The following HYDIN variants were observed in gnomAD, a reference collection of about 807,000 sequenced individuals.
The protein encoded by HYDIN is axonemal central pair apparatus protein HYDIN.
HYDIN carries 132 observed loss-of-function variants against 403.9 expected under a neutral mutation model. The observed-to-expected ratio is 0.33, with a 90% confidence interval of 0.28 to 0.38. The LOEUF (loss-of-function observed/expected upper bound fraction) is 0.38, where lower values mean the gene tolerates loss of function less well. Among genes scored for constraint, HYDIN ranks in the 10% least tolerant of loss-of-function variants. HYDIN has a pLI of 1.00. For missense variants in HYDIN, 2,827 were observed against 5,009.5 expected (o/e 0.56, Z 13.15); for synonymous variants, 1,202 against 1,891.7 (o/e 0.64, Z 9.46).
At chr16:71,130,335 A>G (rs1198650662) in intron 8 of HYDIN, among the ~76,000 whole-genome samples, 2 of 152,228 alleles carry the variant, frequency 1.3e-5, no homozygotes, top group East Asian at 3.9e-4. Context: ...CAGTTCCCTG[A>G]TTCCTCTAAG....
chr16:71,212,716 G>C (rs1567459661), intron 1 of HYDIN, among the ~76,000 whole-genome samples: 1 of 151,668 alleles, frequency 6.6e-6, no homozygotes, highest in Admixed American at 6.5e-5. Context: ...ACAAAGATCT[G>C]ATATCACTGA....
intron 83 of HYDIN, among the ~76,000 whole-genome samples, chr16:70,820,203 T>G (rs2143464815): frequency 7.5e-6 from 1 of 133,416 alleles, no homozygotes; most frequent in East Asian, 2.1e-4. Context: ...TTTTTTTTTT[T>G]TTTTTGAGAT....
chr16:70,923,410 G>T (rs2077054770), intron 45 of HYDIN, among the ~76,000 whole-genome samples: 1 of 138,404 alleles, frequency 7.2e-6, no homozygotes, highest in Non-Finnish European at 1.5e-5. Context: ...GGAGGTTGCA[G>T]TAAGCTGAGA....
At chr16:71,162,478 C>T in intron 6 of HYDIN, 53 bp downstream of exon 6, 1 of 1,117,172 alleles carries the variant, frequency 9.0e-7, no homozygotes, top group Non-Finnish European at 1.4e-6. Flanking sequence ...ATTACTTGAG[C>T]TGACTAGATT....
At position 71,069,501 on chromosome 16, in the gene HYDIN, C is replaced by T. The variant is rs2082388803; in HGVS notation, c.1740G>A (p.Gly580=). ...GGGAACATATCAAGGTATGAGGAAA[C>T]CCTGGAAAACAAAATATGATGTGAG... ...PALHFGDVSF[G]FPHTLICSLN... Residue 580 remains glycine (G), a splice_region_variant and synonymous_variant, in exon 14 of 86, where the codon GGG becomes GGA. Transcript: ENST00000393567. The T allele has an allele frequency of 6.2e-7, 1 of 1,611,710 alleles. No homozygotes were observed. Among genetic ancestry groups the T allele is most frequent in the Non-Finnish European group, 8.5e-7 (1 of 1,178,534 alleles).
intron 1 of HYDIN, among the ~76,000 whole-genome samples, chr16:71,213,001 G>A (rs1243402309): frequency 1.3e-5 from 2 of 152,134 alleles, no homozygotes; most frequent in Admixed American, 6.5e-5. Flanking sequence ...CTTCTCAATA[G>A]ATTGGAAGCC....
At chr16:71,161,543 C>T (rs1313403620) in intron 6 of HYDIN, among the ~76,000 whole-genome samples, 1 of 152,146 alleles carries the variant, frequency 6.6e-6, no homozygotes, top group Admixed American at 6.5e-5. Flanking sequence ...ATGATGTGAC[C>T]TCTCTATCCC....
intron 1 of HYDIN, among the ~76,000 whole-genome samples, chr16:71,227,857 A>C (rs1322009232): frequency 6.6e-6 from 1 of 152,234 alleles, no homozygotes; most frequent in Non-Finnish European, 1.5e-5. Context: ...TGCCAAGACA[A>C]TCCTAAGCCA....
intron 1 of HYDIN, among the ~76,000 whole-genome samples, chr16:71,213,743 A>T (rs1227316440): frequency 6.6e-6 from 1 of 152,198 alleles, no homozygotes; most frequent in Non-Finnish European, 1.5e-5. Context: ...TATGATTTTT[A>T]AAAGTTATTA....
At chr16:71,215,215 AAGGG>A (rs1421497206) in intron 1 of HYDIN, among the ~76,000 whole-genome samples, 3 of 151,896 alleles carry the variant, frequency 2.0e-5, no homozygotes, top group African/African-American at 4.8e-5. Context: ...GCAAGGAAAG[AAGGG>A]AGGAAGGGAG....
At chr16:71,157,750 C>G (rs1374919272) in intron 6 of HYDIN, among the ~76,000 whole-genome samples, 3 of 142,448 alleles carry the variant, frequency 2.1e-5, no homozygotes, top group Non-Finnish European at 4.6e-5. Context: ...ATTTGAGAGA[C>G]TTGGTTACAC....
intron 49 of HYDIN, among the ~76,000 whole-genome samples, chr16:70,907,997 T>C (rs1249906894): frequency 6.6e-6 from 1 of 152,198 alleles, no homozygotes; most frequent in African/African-American, 2.4e-5. Context: ...GCAAACTAAT[T>C]TGCCAAAGGA....
At chr16:71,079,600 C>A (rs868101334) in intron 13 of HYDIN, among the ~76,000 whole-genome samples, 1 of 151,768 alleles carries the variant, frequency 6.6e-6, no homozygotes. Flanking sequence ...ATGGGCTTAC[C>A]ACTGGTATAT....
chr16:70,896,556 A>G (rs938870870), intron 53 of HYDIN, among the ~76,000 whole-genome samples: 1 of 150,696 alleles, frequency 6.6e-6, no homozygotes, highest in African/African-American at 2.5e-5. Context: ...GGGTTTCACC[A>G]TGTTGCCTAG....
intron 46 of HYDIN, among the ~76,000 whole-genome samples, chr16:70,919,305 T>A (rs116649729): frequency 6.6e-6 from 1 of 152,164 alleles, no homozygotes; most frequent in Admixed American, 6.5e-5. Context: ...GTTCTTGTTA[T>A]AGTCCTTTTT....
At position 71,093,975 on chromosome 16, in the gene HYDIN, T is replaced by G. The variant is rs1387978238; in HGVS notation, c.1328-40A>C. On this transcript the variant is annotated intron_variant, in intron 10 of 85. Transcript: ENST00000393567. Reference sequence around the variant, plus strand: ...CAGACTTTATCATCCAAATGGTGCTTCATTTACCCCAAATCATGTTCCCTC... The same window carrying G: ...CAGACTTTATCATCCAAATGGTGCTGCATTTACCCCAAATCATGTTCCCTC... 1.9e-6 allele frequency: 3 copies of G among 1,602,434 alleles called. No homozygotes were observed. The Admixed American group carries it at 5.1e-5, about 27-fold the overall frequency.
intron 42 of HYDIN, among the ~76,000 whole-genome samples, chr16:70,942,654 A>C (rs1009441527): frequency 6.6e-6 from 1 of 152,274 alleles, no homozygotes; most frequent in Non-Finnish European, 1.5e-5. Flanking sequence ...TGAGACAAGA[A>C]GCTTGTGTCA....
rs548623160 is a variant in HYDIN, at chr16:71,197,083, G to A, written c.-23-10165C>T. ...TGTGAAATCCAAGAACCCTCTCTTG[G>A]GGTCTGGATTGGGACCCCTTTCCAA... On this transcript the variant is annotated intron_variant, in intron 1 of 85. Coordinates refer to ENST00000393567, the MANE Select transcript of HYDIN (RefSeq NM_001270974.2). 2.0e-5 allele frequency among the ~76,000 whole-genome samples: 3 copies of A among 151,938 alleles called. No individual in the cohort carries two copies. The South Asian group carries it at 6.2e-4, about 32-fold the overall frequency.
At chr16:70,926,128 T>A (rs1180543135) in intron 45 of HYDIN, among the ~76,000 whole-genome samples, 1 of 148,466 alleles carries the variant, frequency 6.7e-6, no homozygotes, top group East Asian at 2.0e-4. Context: ...CCCAAAGGAC[T>A]ATAAATCATA....
Sources: allele counts gnomAD v4.1 joint callset (sites outside exome capture counted in the v4.1 genomes callset), GRCh38; gene constraint gnomAD v4.1.1; transcripts MANE v1.5; gene names NCBI Gene and HGNC (gene_info 2026-07-23, HGNC 2026-07-21).